The following AMBRA1 variants were observed in gnomAD, a reference collection of about 807,000 sequenced individuals.
AMBRA1 encodes the protein autophagy and beclin 1 regulator 1.
A neutral mutation model predicts 125.4 loss-of-function variants in AMBRA1; 47 were observed. That is an observed-to-expected ratio of 0.37 (90% CI 0.30 to 0.48). The LOEUF is 0.48. AMBRA1 is among the 20% of genes least tolerant of loss of function. The pLI is 0.99. For synonymous variants in AMBRA1, 626 were observed against 655.5 expected (o/e 0.95, Z 0.69); for missense variants, 1,331 against 1,693.4 (o/e 0.79, Z 3.76).
chr11:46,516,676 G>A (rs1370835808), intron 7 of AMBRA1, among the ~76,000 whole-genome samples: 6 of 151,928 alleles, frequency 3.9e-5, no homozygotes, highest in East Asian at 1.9e-4. Flanking sequence ...CTCATGATCC[G>A]CCCACCTCGG....
chr11:46,553,903 T>C (rs992529898), intron 1 of AMBRA1, among the ~76,000 whole-genome samples: 1 of 152,082 alleles, frequency 6.6e-6, no homozygotes, highest in African/African-American at 2.4e-5. Flanking sequence ...ACTGAAAATA[T>C]CAACATTTTC....
chr11:46,585,125 G>A (rs538668158), intron 1 of AMBRA1, among the ~76,000 whole-genome samples: 1 of 152,082 alleles, frequency 6.6e-6, no homozygotes, highest in Admixed American at 6.6e-5. Flanking sequence ...TGCAAGATGT[G>A]CTTTGTTAAA....
chr11:46,563,779 T>C (rs1294107567), intron 1 of AMBRA1, among the ~76,000 whole-genome samples: 1 of 146,878 alleles, frequency 6.8e-6, no homozygotes. Flanking sequence ...AGACGGTAGT[T>C]GCAGTGAGCC....
intron 1 of AMBRA1, among the ~76,000 whole-genome samples, 157 bp downstream of exon 1, chr11:46,593,671 T>C (rs1427142946): frequency 1.3e-5 from 2 of 152,162 alleles, no homozygotes; most frequent in Non-Finnish European, 2.9e-5. Flanking sequence ...GGTTCCGGGC[T>C]GCCCCTCCGG....
intron 7 of AMBRA1, among the ~76,000 whole-genome samples, chr11:46,539,751 C>T (rs11038914): frequency 0.26 from 38,909 of 151,990 alleles, 6,941 homozygotes; most frequent in African/African-American, 0.51. Flanking sequence ...TGCATAGAGT[C>T]GTTGTTGAAG....
intron 1 of AMBRA1, among the ~76,000 whole-genome samples, chr11:46,560,536 T>C (rs2043297081): frequency 6.6e-6 from 1 of 152,010 alleles, no homozygotes; most frequent in African/African-American, 2.4e-5. Context: ...AGACCCAAAT[T>C]TGAGACTGAC....
chr11:46,495,764 C>T (rs191565531), intron 9 of AMBRA1, among the ~76,000 whole-genome samples: 380 of 152,302 alleles, frequency 2.5e-3, no homozygotes, highest in South Asian at 0.011. Context: ...TTCAAATATA[C>T]TACTGTTGTG....
chr11:46,457,282 T>A (rs1253052569), intron 11 of AMBRA1, among the ~76,000 whole-genome samples: 3 of 152,122 alleles, frequency 2.0e-5, no homozygotes, highest in Non-Finnish European at 4.4e-5. Flanking sequence ...CACATTACCA[T>A]TACCCAGCGA....
In AMBRA1 at chr11:46,409,976, G is replaced by A. The variant is rs370716892; in HGVS notation, c.3209+300C>T. ...GGCCATGGAGCAGACTTCATGGGGCGGCATCCTTCTCCAGGCCCTATCTTC... is the reference window on the plus strand; with the variant it reads ...GGCCATGGAGCAGACTTCATGGGGCAGCATCCTTCTCCAGGCCCTATCTTC... On this transcript the variant is annotated intron_variant, in intron 16 of 17. Transcript: ENST00000683756. Among the ~76,000 whole-genome samples the A allele has an allele frequency of 5.3e-5, 8 of 152,336 alleles. No individual in the cohort carries two copies. The South Asian group carries it at 1.0e-3, about 20-fold the overall frequency.
chr11:46,534,359 G>C (rs1319312126), intron 7 of AMBRA1, among the ~76,000 whole-genome samples: 1 of 151,886 alleles, frequency 6.6e-6, no homozygotes, highest in Non-Finnish European at 1.5e-5. Context: ...GCCAGGCGTG[G>C]TGGCAGGCGC....
chr11:46,536,678 C>G (rs2135148172), intron 7 of AMBRA1, among the ~76,000 whole-genome samples: 1 of 152,314 alleles, frequency 6.6e-6, no homozygotes, highest in South Asian at 2.1e-4. Flanking sequence ...GCCGAGGCCT[C>G]CCTGGAGAAT....
intron 7 of AMBRA1, among the ~76,000 whole-genome samples, chr11:46,536,598 G>A (rs1164299394): frequency 6.6e-6 from 1 of 152,162 alleles, no homozygotes; most frequent in East Asian, 1.9e-4. Flanking sequence ...TTTTTAGGTT[G>A]CCGGCCCCCT....
At chr11:46,559,589 T>C (rs1565296540) in intron 1 of AMBRA1, among the ~76,000 whole-genome samples, 1 of 152,208 alleles carries the variant, frequency 6.6e-6, no homozygotes. Context: ...GAATATGGGA[T>C]ATTACACCTT....
At chr11:46,543,954 G>T (rs964879662) in intron 6 of AMBRA1, 21 bp downstream of exon 6, 3 of 1,599,832 alleles carry the variant, frequency 1.9e-6, no homozygotes, top group Non-Finnish European at 2.6e-6. Context: ...AGCTGGAATT[G>T]GAACTGCTGG....
At chr11:46,578,352 T>G (rs1489527145) in intron 1 of AMBRA1, among the ~76,000 whole-genome samples, 1 of 151,294 alleles carries the variant, frequency 6.6e-6, no homozygotes, top group Non-Finnish European at 1.5e-5. Context: ...CCAGGCGTGG[T>G]CATGTGCGCT....
At chr11:46,469,517 T>C (rs1368668892) in intron 11 of AMBRA1, among the ~76,000 whole-genome samples, 1 of 152,204 alleles carries the variant, frequency 6.6e-6, no homozygotes, top group Non-Finnish European at 1.5e-5. Flanking sequence ...ACCTATTATA[T>C]GTGTAATATA....
At chr11:46,531,962 AC>A (rs1232601618) in intron 7 of AMBRA1, among the ~76,000 whole-genome samples, 1 of 151,474 alleles carries the variant, frequency 6.6e-6, no homozygotes, top group Admixed American at 6.6e-5. Context: ...TACTGAAAAT[AC>A]AAAAAATTAG....
At chr11:46,530,572 C>T (rs764971937) in intron 7 of AMBRA1, 1 of 152,222 alleles carries the variant, frequency 6.6e-6, no homozygotes, top group Non-Finnish European at 1.5e-5. Flanking sequence ...CCCACAAGAG[C>T]CAATACTTAC....
At chr11:46,433,411 C>T in intron 14 of AMBRA1, 63 bp downstream of exon 14, 1 of 1,578,958 alleles carries the variant, frequency 6.3e-7, no homozygotes, top group South Asian at 1.2e-5. Flanking sequence ...CCACTGTCCC[C>T]TCATTACCCT....
Sources: allele counts gnomAD v4.1 joint callset (sites outside exome capture counted in the v4.1 genomes callset), GRCh38; gene constraint gnomAD v4.1.1; transcripts MANE v1.5; gene names NCBI Gene and HGNC (gene_info 2026-07-23, HGNC 2026-07-21).